The following CACNA1I variants were observed in gnomAD, a reference collection of about 807,000 sequenced individuals.
CACNA1I encodes voltage-dependent T-type calcium channel subunit alpha-1I.
Under a neutral mutation model 201.6 loss-of-function variants are expected in CACNA1I, and 74 were observed. The observed-to-expected ratio is 0.37, with a 90% CI of 0.30 to 0.45. The LOEUF is 0.45. Among genes scored for constraint, CACNA1I ranks in the 20% least tolerant of loss-of-function variants. CACNA1I has a pLI of 1.00. For synonymous variants in CACNA1I, 1,431 were observed against 1,345.2 expected (o/e 1.06, Z -1.40); for missense variants, 2,346 against 3,138.1 (o/e 0.75, Z 6.03).
At chr22:39,651,201 C>T (rs765245589) in intron 10 of CACNA1I, among the ~76,000 whole-genome samples, 3 of 152,178 alleles carry the variant, frequency 2.0e-5, no homozygotes, top group Non-Finnish European at 4.4e-5. Flanking sequence ...TTCGAACCAA[C>T]TTCTTTCTGT....
In CACNA1I at chr22:39,666,263, G is replaced by C. The variant is rs1416610942; in HGVS notation, c.4104+257G>C. Among the ~76,000 whole-genome samples, 2 of 152,084 alleles carry C rather than the reference G, an allele frequency of 1.3e-5. No homozygotes were observed. Among genetic ancestry groups the C allele is most frequent in the Non-Finnish European group, 2.9e-5 (2 of 68,002 alleles). ...GGTGCTTTGTGAACATTGGTTCTTG[G>C]CTCCCACCCCCGACCCAGGGACCCC... On this transcript the variant is annotated intron_variant, in intron 23 of 36. Transcript: ENST00000402142. The surrounding 1 kb of genome is among the most constrained non-coding windows in gnomAD (Gnocchi z 4.1).
intron 4 of CACNA1I, among the ~76,000 whole-genome samples, chr22:39,628,886 C>T (rs946938048): frequency 9.9e-5 from 15 of 152,152 alleles, no homozygotes; most frequent in South Asian, 2.1e-4. Flanking sequence ...GGCTGGCACG[C>T]GTCTGGCAAT....
intron 5 of CACNA1I, among the ~76,000 whole-genome samples, chr22:39,636,398 G>A (rs546093744): frequency 1.3e-5 from 2 of 152,350 alleles, no homozygotes; most frequent in East Asian, 1.9e-4. Context: ...GAGAAAGAAC[G>A]CCCTAAGGGA....
intron 4 of CACNA1I, among the ~76,000 whole-genome samples, chr22:39,625,990 C>T (rs1257015371): frequency 1.3e-5 from 2 of 152,240 alleles, no homozygotes; most frequent in Admixed American, 6.5e-5. Context: ...GATAGTTCCC[C>T]CGACCCAGGC....
intron 1 of CACNA1I, among the ~76,000 whole-genome samples, chr22:39,588,279 C>T (rs1219123704): frequency 6.6e-6 from 1 of 151,468 alleles, no homozygotes; most frequent in African/African-American, 2.4e-5. Context: ...ACCACAGGTA[C>T]ATGCCGGCAA....
intron 5 of CACNA1I, among the ~76,000 whole-genome samples, chr22:39,635,766 C>T (rs76470176): frequency 0.022 from 3,380 of 152,186 alleles, 65 homozygotes; most frequent in Non-Finnish European, 0.032. Flanking sequence ...GTGTGAGCTC[C>T]GCCCCTCTGT....
chr22:39,649,942 C>G lies in CACNA1I; in HGVS notation c.1992+17C>G. On this transcript the variant is annotated intron_variant, in intron 10 of 36. Coordinates refer to ENST00000402142, the MANE Select transcript of CACNA1I (RefSeq NM_021096.4). This position sits in a 1 kb window ranked among gnomAD's most constrained non-coding sequence, Gnocchi z 7.3. ...CACGAGCAGGCCAGTGCAGCGCAGC[C>G]GGGCCGGGCCTGCGGGAGAGGTGTG... 1 of 1,612,612 alleles carries G rather than the reference C, an allele frequency of 6.2e-7. No individual in the cohort carries two copies. Among genetic ancestry groups the G allele is most frequent in the South Asian group, 1.1e-5 (1 of 91,034 alleles).
Position 39,629,608 on chromosome 22 carries a change from A to G in CACNA1I, c.581-4957A>G, listed in dbSNP as rs1016279198. Among the ~76,000 whole-genome samples, 6 of 152,120 alleles carry G rather than the reference A, an allele frequency of 3.9e-5. No individual in the cohort carries two copies. Among genetic ancestry groups the G allele is most frequent in the African/African-American group, 9.7e-5 (4 of 41,424 alleles). On this transcript the variant is annotated intron_variant, in intron 4 of 36. Coordinates refer to ENST00000402142, the MANE Select transcript of CACNA1I (RefSeq NM_021096.4). The surrounding 1 kb of genome is among the most constrained non-coding windows in gnomAD (Gnocchi z 4.8). ...AATCATCAGGCCGTGAGGGTGGTGG[A>G]GAGGGCCCAGTGTCTGGCCTGGGCC...
At chr22:39,653,094 C>T (rs1173130365) in intron 10 of CACNA1I, among the ~76,000 whole-genome samples, 1 of 148,138 alleles carries the variant, frequency 6.8e-6, no homozygotes, top group Non-Finnish European at 1.5e-5. Flanking sequence ...GCCCCCCACA[C>T]GGTGGCTAAG....
chr22:39,674,726 C>G (rs1241081680), intron 29 of CACNA1I, among the ~76,000 whole-genome samples: 1 of 142,222 alleles, frequency 7.0e-6, no homozygotes, highest in Non-Finnish European at 1.5e-5. Flanking sequence ...GGCCTCTGCT[C>G]TCAGCTGAGC....
chr22:39,661,194 G>T lies in CACNA1I; in HGVS notation c.2785G>T (p.Ala929Ser), dbSNP rs776566127. 2 of 1,612,448 alleles carry T rather than the reference G, an allele frequency of 1.2e-6. No homozygotes were observed. Among genetic ancestry groups the T allele is most frequent in the Non-Finnish European group, 1.7e-6 (2 of 1,179,466 alleles). Residue 929 changes from alanine to serine, a missense_variant, in exon 16 of 37, where the codon GCT (alanine) becomes TCT (serine). By Grantham distance (99) the Ala-to-Ser change is moderately conservative. Transcript: ENST00000402142. The part of the protein sequence containing the change: ...PLGGHLGPAG[A>S]AGPAPRLSLQ... The stretch of plus-strand genomic sequence containing the variant: ...GGGTGGGCACCTAGGTCCTGCTGGG[G>T]CTGCGGGACCTGCCCCCCGACTCTC...
chr22:39,634,790 TG>T, intron 5 of CACNA1I, 66 bp downstream of exon 5: 1 of 1,496,984 alleles, frequency 6.7e-7, no homozygotes, highest in Non-Finnish European at 9.1e-7. Flanking sequence ...TTTAACCTTC[TG>T]GGTCATTGGG....
chr22:39,600,441 C>G, intron 2 of CACNA1I, 79 bp from the exon 3 acceptor site: 1 of 1,259,248 alleles, frequency 7.9e-7, no homozygotes, highest in Non-Finnish European at 1.1e-6. Flanking sequence ...GTGTCCCCAC[C>G]TCACACTGTG....
At chr22:39,577,372 C>T (rs936072965) in intron 1 of CACNA1I, among the ~76,000 whole-genome samples, 1 of 152,224 alleles carries the variant, frequency 6.6e-6, no homozygotes, top group African/African-American at 2.4e-5. Flanking sequence ...TGGTTCTGCC[C>T]ATGCACCTGG....
At chr22:39,644,077 A>AT (rs1251531895) in intron 7 of CACNA1I, among the ~76,000 whole-genome samples, 4 of 152,184 alleles carry the variant, frequency 2.6e-5, no homozygotes, top group Non-Finnish European at 5.9e-5. Flanking sequence ...GGAGGAGGTG[A>AT]TGCCAGAATT....
chr22:39,622,774 AC>A (rs1933785403), intron 4 of CACNA1I, among the ~76,000 whole-genome samples: 1 of 99,022 alleles, frequency 1.0e-5, no homozygotes, highest in Admixed American at 1.3e-4. Context: ...TGGTGTGGGC[AC>A]CTGGGTGGGC....
chr22:39,649,752 A>AAGGAGGAGGAGG lies in CACNA1I; in HGVS notation c.1828_1839dup (p.Glu610_Glu613dup). On this transcript the variant is annotated inframe_insertion, in exon 10 of 37. Transcript: ENST00000402142. The surrounding 1 kb of genome is among the most constrained non-coding windows in gnomAD (Gnocchi z 7.3). ...GGACGGAGCCTCCTCAGAACTGGGG[A>AAGGAGGAGGAGG]AGGAGGAGGAGGAGGAGGAGCAGGC... 1 of 1,566,916 alleles carries AAGGAGGAGGAGG rather than the reference A, an allele frequency of 6.4e-7. No individual in the cohort carries two copies. Among genetic ancestry groups the AAGGAGGAGGAGG allele is most frequent in the Middle Eastern group, 1.7e-4 (1 of 5,914 alleles).
At chr22:39,621,327 C>T (rs1169520115) in intron 4 of CACNA1I, among the ~76,000 whole-genome samples, 15 of 150,974 alleles carry the variant, frequency 9.9e-5, no homozygotes, top group Admixed American at 7.3e-4. Flanking sequence ...CACCTGCTCC[C>T]CCTCCACAGG....
chr22:39,628,516 A>G (rs902613332), intron 4 of CACNA1I, among the ~76,000 whole-genome samples: 1 of 151,988 alleles, frequency 6.6e-6, no homozygotes, highest in Non-Finnish European at 1.5e-5. Context: ...GAGGGACCTG[A>G]GGCCTCTCCT....
Sources: gnomAD v4.1 joint callset for allele counts (sites outside exome capture counted in the v4.1 genomes callset) on GRCh38, gnomAD v4.1.1 for gene constraint, Gnocchi (gnomAD v3.1) non-coding constraint, MANE v1.5 for transcripts, NCBI Gene and HGNC (gene_info 2026-07-23, HGNC 2026-07-21) for gene names.